The following MAST3 variants were observed in gnomAD, a reference collection of about 807,000 sequenced individuals.
MAST3 encodes microtubule associated serine/threonine kinase 3.
MAST3 carries 43 observed loss-of-function variants against 127.0 expected under a neutral mutation model. That is an observed-to-expected ratio of 0.34 (90% CI 0.27 to 0.44). MAST3 has a LOEUF of 0.44. Among genes scored for constraint, MAST3 ranks in the 20% least tolerant of loss-of-function variants. MAST3 has a pLI of 1.00. For synonymous variants in MAST3, 785 were observed against 809.2 expected, an observed-to-expected ratio of 0.97 and a Z score of 0.51; for missense variants, 1,390 against 1,919.1, an observed-to-expected ratio of 0.72 and a Z score of 5.15.
chr19:18,117,418 C>T (rs1242811774), intron 3 of MAST3, among the ~76,000 whole-genome samples: 1 of 152,170 alleles, frequency 6.6e-6, no homozygotes, highest in Non-Finnish European at 1.5e-5. Context: ...GCCTTTCCCG[C>T]CACACACAGA....
chr19:18,113,766 C>T (rs2038917689), intron 3 of MAST3, among the ~76,000 whole-genome samples: 1 of 149,972 alleles, frequency 6.7e-6, no homozygotes, highest in Non-Finnish European at 1.5e-5. Flanking sequence ...CTGGCCTGAT[C>T]TTTATATTTT....
At chr19:18,119,336 C>T (rs2039676000) in intron 3 of MAST3, among the ~76,000 whole-genome samples, 2 of 151,886 alleles carry the variant, frequency 1.3e-5, no homozygotes, top group Admixed American at 1.3e-4. Context: ...AGTGTGGGGG[C>T]GAGGAACCAG....
rs1429332323 is a variant in MAST3, at chr19:18,131,624, G to A, written c.1433-285G>A. 5.4e-5 allele frequency among the ~76,000 whole-genome samples: 5 copies of A among 92,066 alleles called. 1 individual carries two copies. The highest frequency in any genetic ancestry group is 2.5e-4 in the East Asian group (1 of 3,972). The allele number at this position is 92,066 out of a possible 152,430, so 60.4% of individuals were successfully genotyped here. Reference sequence around the variant, plus strand: ...TGGGGCAGGAGACTCGCTTGAACCCGGGAGGCGGAGGTTGCAGTGAGCCGA... The same window carrying A: ...TGGGGCAGGAGACTCGCTTGAACCCAGGAGGCGGAGGTTGCAGTGAGCCGA... On this transcript the variant is annotated intron_variant, in intron 14 of 27. Coordinates refer to ENST00000687212, the MANE Select transcript of MAST3 (RefSeq NM_001393504.1).
rs2043324545 is a variant in MAST3, at chr19:18,149,061, A to C, written c.3509-130A>C. 3.8e-6 allele frequency: 4 copies of C among 1,045,620 alleles called. No homozygotes were observed. Among genetic ancestry groups the C allele is most frequent in the Non-Finnish European group, 5.2e-6 (4 of 764,500 alleles). The allele number at this position is 1,045,620 out of a possible 1,614,324, so 64.8% of individuals were successfully genotyped here. ...GAGCAAGACCCTGTCTCAAAAACAA[A>C]AACAACCAGGCATGATGGGTGGCCA... On this transcript the variant is annotated intron_variant, in intron 27 of 27. Transcript: ENST00000687212. The surrounding 1 kb of genome is among the most constrained non-coding windows in gnomAD (Gnocchi z 5.9).
At position 18,123,582 on chromosome 19, in the gene MAST3, C is replaced by T. The variant is rs56059221; in HGVS notation, c.560C>T (p.Pro187Leu). 13 of 1,575,092 alleles carry T rather than the reference C, an allele frequency of 8.3e-6. No individual in the cohort carries two copies. The highest frequency in any genetic ancestry group is 1.7e-4 in the Middle Eastern group (1 of 5,988). ...RLRPRSRSLS[P>L]GRATGTFDNE... ...CAAGCCAGCTGTCTTCCTTTCAGCC[C>T]GGGCCGTGCAACGGGGACCTTCGAC... Residue 187 changes from proline to leucine, a missense_variant and splice_region_variant, in exon 8 of 28, where the codon CCG (proline) becomes CTG (leucine). By Grantham distance (98) the Pro-to-Leu change is moderately conservative (BLOSUM62 -3). This residue lies in a region of MAST3 where 277 missense variants were observed against 384.8 expected (regional missense o/e 0.72). Transcript: ENST00000687212.
rs1347137683 is a variant in MAST3 at position 18,144,492 on chromosome 19, CGCCTACGGAGCAATAGCATCG to C, written c.2614_2634del (p.Leu872_Gly878del). The C allele has an allele frequency of 6.3e-7, 1 of 1,591,396 alleles. No homozygotes were observed. Among genetic ancestry groups the C allele is most frequent in the Non-Finnish European group, 8.5e-7 (1 of 1,171,180 alleles). On this transcript the variant is annotated inframe_deletion, in exon 23 of 28. Transcript: ENST00000687212. The surrounding 1 kb of genome is among the most constrained non-coding windows in gnomAD (Gnocchi z 4.0). The stretch of plus-strand genomic sequence containing the variant: ...CGACACAGCTGCTCTCAGCCACGCC[CGCCTACGGAGCAATAGCATCG>C]GCGCCCGACACTCCACACCAAGGCC...
intron 1 of MAST3, among the ~76,000 whole-genome samples, chr19:18,102,568 G>A (rs181602539): frequency 0.011 from 1,633 of 146,546 alleles, 34 homozygotes; most frequent in African/African-American, 0.038. Flanking sequence ...TGCAACCTCC[G>A]CCTCCGGGGT....
chr19:18,099,397 C>T (rs1233818524), intron 1 of MAST3, among the ~76,000 whole-genome samples: 1 of 151,642 alleles, frequency 6.6e-6, no homozygotes, highest in Non-Finnish European at 1.5e-5. Flanking sequence ...CGCCTCCAGC[C>T]CCAGTTAGAT....
In MAST3 at chr19:18,121,933, GC is replaced by G. The variant is rs1173712963; in HGVS notation, c.320+13del. On this transcript the variant is annotated intron_variant, in intron 5 of 27. Coordinates refer to ENST00000687212, the MANE Select transcript of MAST3 (RefSeq NM_001393504.1). ...CCCCTTTGCCCGGAGGTGAGTGATTGCCGGCTTTGGGAGACAGTGCGGGCAC... is the reference window on the plus strand; with the variant it reads ...CCCCTTTGCCCGGAGGTGAGTGATTGCGGCTTTGGGAGACAGTGCGGGCAC... The G allele has an allele frequency of 1.9e-6, 3 of 1,613,886 alleles. No homozygotes were observed. In the African/African-American group the frequency reaches 4.0e-5, roughly 22 times the overall value.
rs780553192 is a variant in MAST3 at position 18,145,119 on chromosome 19, C to T, written c.2929C>T (p.Arg977Trp). ...CCCGTCCCCCGTGTGTGGCAGCCTG[C>T]GGCCCCCCATCGTTATCCACAGCTC... ...RDPSPVCGSL[R>W]PPIVIHSSGK... Residue 977 changes from arginine to tryptophan, a missense_variant, in exon 24 of 28, where the codon CGG becomes TGG. Coordinates refer to ENST00000687212, the MANE Select transcript of MAST3 (RefSeq NM_001393504.1). This position sits in a 1 kb window ranked among gnomAD's most constrained non-coding sequence, Gnocchi z 5.9. 114 of 1,613,716 alleles carry T rather than the reference C, an allele frequency of 7.1e-5. No individual in the cohort carries two copies. The highest frequency in any genetic ancestry group is 1.1e-4 in the South Asian group (10 of 91,086).
chr19:18,134,679 G>A lies in MAST3; in HGVS notation c.1672G>A (p.Glu558Lys), dbSNP rs755590946. 2 of 1,613,644 alleles carry A rather than the reference G, an allele frequency of 1.2e-6. No homozygotes were observed. The highest frequency in any genetic ancestry group is 8.5e-7 in the Non-Finnish European group (1 of 1,179,824). The change falls in exon 16 of 28, where the codon GAG (glutamate) becomes AAG (lysine). Residue 558 changes from glutamate to lysine, a missense_variant. By Grantham distance (56) the Glu-to-Lys change is moderately conservative. Transcript: ENST00000687212. ...MATNLYEGHI[E>K]KDAREFIDKQ... ...CACCAACCTCTATGAGGGCCACATC[G>A]AGAAGGACGCCCGAGAGTTCATCGA...
intron 3 of MAST3, among the ~76,000 whole-genome samples, chr19:18,114,587 T>C (rs2039008260): frequency 6.6e-6 from 1 of 152,226 alleles, no homozygotes; most frequent in African/African-American, 2.4e-5. Context: ...ACCTTGTCTG[T>C]CCTGGTCATA....
chr19:18,121,963 G>C (rs372809500), intron 5 of MAST3, 41 bp downstream of exon 5: 3 of 1,610,018 alleles, frequency 1.9e-6, no homozygotes, highest in African/African-American at 2.7e-5. Flanking sequence ...CGGGCACCAC[G>C]GGCAAGGGTT....
rs2042171400 is a variant in MAST3, at chr19:18,139,000, C to T, written c.2096-15C>T. The T allele has an allele frequency of 6.5e-7, 1 of 1,550,004 alleles. No homozygotes were observed. The highest frequency in any genetic ancestry group is 1.4e-5 in the African/African-American group (1 of 73,316). ...TGGGCATCAGGCGTGCTGCATGTGC[C>T]TCTCCCTCCCACAGCACGTTCGGAA... On this transcript the variant is annotated splice_polypyrimidine_tract_variant and intron_variant, in intron 19 of 27. Coordinates refer to ENST00000687212, the MANE Select transcript of MAST3 (RefSeq NM_001393504.1).
At position 18,150,128 on chromosome 19, in the gene MAST3, AGGC is replaced by A. The variant is rs74915827; in HGVS notation, c.*404_*406del. On this transcript the variant is annotated 3_prime_UTR_variant, in exon 28 of 28. Coordinates refer to ENST00000687212, the MANE Select transcript of MAST3 (RefSeq NM_001393504.1). ...CAGCTTCCCAAGTGGCTGGGATTAC[AGGC>A]GCCCACCACTATGCCCAGCTAATTT... 30,748 of 209,158 alleles carry A rather than the reference AGGC, an allele frequency of 0.15. 2,410 individuals carry two copies. Among genetic ancestry groups the A allele is most frequent in the Middle Eastern group, 0.2 (100 of 512 alleles). The allele number at this position is 209,158 out of a possible 1,614,324, so 13.0% of individuals were successfully genotyped here.
rs1344930886 is a variant in MAST3, at chr19:18,112,285, C to T, written c.161+1544C>T. Among the ~76,000 whole-genome samples, 1 of 152,226 alleles carries T rather than the reference C, an allele frequency of 6.6e-6. No individual in the cohort carries two copies. Among genetic ancestry groups the T allele is most frequent in the African/African-American group, 2.4e-5 (1 of 41,462 alleles). On this transcript the variant is annotated intron_variant, in intron 3 of 27. Coordinates refer to ENST00000687212, the MANE Select transcript of MAST3 (RefSeq NM_001393504.1). The surrounding 1 kb of genome is among the most constrained non-coding windows in gnomAD (Gnocchi z 4.1). ...TCAAGTGATTCTCCTGTTTCAGGCT[C>T]CGAGTAGCGGAGACTACAGGCGTGC... is the stretch of plus-strand genomic sequence containing the variant.
intron 14 of MAST3, 109 bp from the exon 15 acceptor site, chr19:18,131,800 T>C (rs953794837): frequency 5.1e-5 from 65 of 1,274,444 alleles, no homozygotes; most frequent in Non-Finnish European, 7.0e-5. Flanking sequence ...CTGGGGACCT[T>C]TTGCAGGAGG....
In MAST3 at chr19:18,147,634, C is replaced by A; in HGVS notation, c.3508+10C>A. The stretch of plus-strand genomic sequence containing the variant: ...CCTGATGTCCCAGCAGGTGGGTGCA[C>A]CCCGACCCCCCACCACCCCGGCTAC... On this transcript the variant is annotated intron_variant, in intron 27 of 27. Transcript: ENST00000687212. 1 of 1,520,306 alleles carries A rather than the reference C, an allele frequency of 6.6e-7. No homozygotes were observed. Among genetic ancestry groups the A allele is most frequent in the African/African-American group, 1.4e-5 (1 of 72,514 alleles). The allele number at this position is 1,520,306 out of a possible 1,614,324, so 94.2% of individuals were successfully genotyped here.
At chr19:18,138,339 C>T (rs548852672) in intron 19 of MAST3, among the ~76,000 whole-genome samples, 14 of 143,678 alleles carry the variant, frequency 9.7e-5, no homozygotes, top group South Asian at 2.2e-4. Flanking sequence ...TTTTTTGAGA[C>T]GGAGTCTCAC....
Sources: gnomAD v4.1 joint callset for allele counts (sites outside exome capture counted in the v4.1 genomes callset) on GRCh38, gnomAD v4.1.1 for gene constraint, gnomAD v4.1.1 regional missense constraint, Gnocchi (gnomAD v3.1) non-coding constraint, MANE v1.5 for transcripts, NCBI Gene and HGNC (gene_info 2026-07-23, HGNC 2026-07-21) for gene names.